Variants in ERBB4 observed in about 807,000 individuals in gnomAD.
ERBB4 encodes receptor tyrosine-protein kinase erbB-4.
In ERBB4, 42 loss-of-function variants were observed where a neutral mutation model predicts 158.0. The observed-to-expected ratio is 0.27, with a 90% confidence interval of 0.21 to 0.34. The LOEUF is 0.34. ERBB4 is among the 10% of genes least tolerant of loss of function. The probability of loss-of-function intolerance (pLI) is 1.00; values close to 1 mark genes in which losing one functional copy is unlikely to be tolerated. For synonymous variants in ERBB4, 583 were observed against 558.7 expected (o/e 1.04, Z -0.61); for missense variants, 1,333 against 1,624.1 (o/e 0.82, Z 3.08).
In ERBB4 at chr2:211,942,397, T is replaced by C. The variant is rs919798087; in HGVS notation, c.421+5033A>G. Reference sequence around the variant, plus strand: ...TTTGGGACAGGGTCCCTCTGTGCCATCCAGGCTGGAGTGCAGTGGCATGAT... The same window carrying C: ...TTTGGGACAGGGTCCCTCTGTGCCACCCAGGCTGGAGTGCAGTGGCATGAT... On this transcript the variant is annotated intron_variant, in intron 3 of 27. Coordinates refer to ENST00000342788, the MANE Select transcript of ERBB4 (RefSeq NM_005235.3). Among the ~76,000 whole-genome samples the C allele has an allele frequency of 1.7e-4, 26 of 151,746 alleles. No individual in the cohort carries two copies. In the Middle Eastern group the frequency reaches 0.01, roughly 60 times the overall value.
intron 20 of ERBB4, among the ~76,000 whole-genome samples, chr2:211,527,414 TATC>T (rs2066378675): frequency 1.3e-5 from 2 of 152,114 alleles, no homozygotes; most frequent in Admixed American, 1.3e-4. Flanking sequence ...TGAAAAGTGT[TATC>T]AACACCAGAC....
chr2:212,470,709 T>C (rs1289319259), intron 1 of ERBB4, among the ~76,000 whole-genome samples: 1 of 152,090 alleles, frequency 6.6e-6, no homozygotes, highest in Non-Finnish European at 1.5e-5. Flanking sequence ...TCCCGAAATG[T>C]CTTTGCCCGT....
chr2:211,688,546 G>A (rs72945096), intron 12 of ERBB4, among the ~76,000 whole-genome samples: 16,933 of 152,038 alleles, frequency 0.11, 1,390 homozygotes, highest in Non-Finnish European at 0.17. Flanking sequence ...CATCTATTTT[G>A]TCCTTTTTTT....
intron 20 of ERBB4, among the ~76,000 whole-genome samples, chr2:211,460,467 A>G (rs2064501837): frequency 6.6e-6 from 1 of 152,182 alleles, no homozygotes; most frequent in Non-Finnish European, 1.5e-5. Flanking sequence ...GTTAATAACC[A>G]TAATTAATTC....
chr2:212,016,905 T>C (rs979447528), intron 2 of ERBB4, among the ~76,000 whole-genome samples: 1 of 152,142 alleles, frequency 6.6e-6, no homozygotes, highest in East Asian at 1.9e-4. Context: ...CACTGCCTCA[T>C]AGTTGTCACT....
intron 1 of ERBB4, among the ~76,000 whole-genome samples, chr2:212,361,428 T>A (rs543985759): frequency 6.6e-6 from 1 of 151,602 alleles, no homozygotes; most frequent in East Asian, 1.9e-4. Flanking sequence ...AGAGGGAAGG[T>A]TTTGCATATA....
chr2:212,074,844 T>C (rs1279152758), intron 2 of ERBB4, among the ~76,000 whole-genome samples: 1 of 152,036 alleles, frequency 6.6e-6, no homozygotes, highest in Non-Finnish European at 1.5e-5. Context: ...ATTCTTGTCC[T>C]AGCGCAACCA....
At chr2:211,446,242 G>T (rs2064109903) in intron 20 of ERBB4, among the ~76,000 whole-genome samples, 1 of 152,202 alleles carries the variant, frequency 6.6e-6, no homozygotes, top group African/African-American at 2.4e-5. Context: ...GGTAAAGATT[G>T]CCAAAGAATA....
At chr2:211,842,531 TA>T (rs1195362422) in intron 3 of ERBB4, among the ~76,000 whole-genome samples, 1 of 148,970 alleles carries the variant, frequency 6.7e-6, no homozygotes, top group African/African-American at 2.4e-5. Flanking sequence ...ATTGCAAACA[TA>T]ATGTGTACAA....
chr2:212,319,047 T>C (rs1275932700), intron 1 of ERBB4, among the ~76,000 whole-genome samples: 2 of 151,598 alleles, frequency 1.3e-5, no homozygotes, highest in East Asian at 2.0e-4. Flanking sequence ...ATCACTGAAG[T>C]CTATGTCACC....
At chr2:211,396,393 T>C (rs1264042475) in intron 25 of ERBB4, among the ~76,000 whole-genome samples, 3 of 152,106 alleles carry the variant, frequency 2.0e-5, no homozygotes, top group Non-Finnish European at 2.9e-5. Flanking sequence ...AAAAAAACCA[T>C]GTATAAGAGT....
intron 2 of ERBB4, among the ~76,000 whole-genome samples, chr2:212,115,626 T>C (rs548722855): frequency 2.0e-5 from 3 of 152,176 alleles, no homozygotes; most frequent in African/African-American, 4.8e-5. Context: ...CAAAGAATCA[T>C]AGAGTAAAAT....
At chr2:211,995,004 C>A (rs2082167052) in intron 2 of ERBB4, among the ~76,000 whole-genome samples, 1 of 152,138 alleles carries the variant, frequency 6.6e-6, no homozygotes, top group Non-Finnish European at 1.5e-5. Context: ...TAAACTCTCT[C>A]ATGGATCACC....
intron 2 of ERBB4, among the ~76,000 whole-genome samples, chr2:211,950,391 C>T (rs2080842013): frequency 6.6e-6 from 1 of 152,148 alleles, no homozygotes; most frequent in Admixed American, 6.6e-5. Flanking sequence ...ACTGGAGCCA[C>T]TTCTCTCCAT....
At chr2:212,188,984 G>T (rs948126246) in intron 1 of ERBB4, among the ~76,000 whole-genome samples, 3 of 149,704 alleles carry the variant, frequency 2.0e-5, no homozygotes, top group African/African-American at 7.4e-5. Flanking sequence ...TCAAATTAGT[G>T]CTCAGTGGCT....
At chr2:212,058,531 A>G (rs2077655101) in intron 2 of ERBB4, among the ~76,000 whole-genome samples, 1 of 152,230 alleles carries the variant, frequency 6.6e-6, no homozygotes, top group African/African-American at 2.4e-5. Flanking sequence ...CATCAATGCA[A>G]AAATCCTCAA....
intron 3 of ERBB4, among the ~76,000 whole-genome samples, chr2:211,939,370 C>T (rs1477745143): frequency 6.6e-6 from 1 of 151,588 alleles, no homozygotes; most frequent in Non-Finnish European, 1.5e-5. Context: ...GTCAGCATTA[C>T]AGGGCTGTGT....
intron 3 of ERBB4, among the ~76,000 whole-genome samples, chr2:211,925,865 G>A (rs1295278176): frequency 6.6e-6 from 1 of 151,908 alleles, no homozygotes; most frequent in Non-Finnish European, 1.5e-5. Flanking sequence ...TGTCTAGAGT[G>A]CAATTTATTT....
chr2:212,145,083 C>T (rs2080619280), intron 1 of ERBB4, among the ~76,000 whole-genome samples: 1 of 152,112 alleles, frequency 6.6e-6, no homozygotes, highest in South Asian at 2.1e-4. Flanking sequence ...TATGTCAAAA[C>T]ATTTGGAGTA....
Sources: gnomAD v4.1 joint callset for allele counts (sites outside exome capture counted in the v4.1 genomes callset) on GRCh38, gnomAD v4.1.1 for gene constraint, MANE v1.5 for transcripts, NCBI Gene and HGNC (gene_info 2026-07-23, HGNC 2026-07-21) for gene names.